Variants in LARP4B observed in about 807,000 individuals in gnomAD.
The protein encoded by LARP4B is La ribonucleoprotein 4B, also known as la-related protein 4B.
LARP4B carries 12 observed loss-of-function variants against 89.8 expected under a neutral mutation model. That is an observed-to-expected ratio of 0.13 (90% CI 0.09 to 0.22). The LOEUF (loss-of-function observed/expected upper bound fraction) is 0.22, where lower values mean the gene tolerates loss of function less well. LARP4B is among the 10% of genes least tolerant of loss of function. LARP4B has a pLI of 1.00. For synonymous variants in LARP4B, 367 were observed against 363.3 expected (o/e 1.01, Z -0.12); for missense variants, 757 against 947.7 (o/e 0.80, Z 2.64).
intron 7 of LARP4B, among the ~76,000 whole-genome samples, chr10:838,682 C>T (rs1833361046): frequency 3.3e-5 from 5 of 152,180 alleles, no homozygotes; most frequent in Admixed American, 3.3e-4. Flanking sequence ...AGTGGTACAT[C>T]CACTTTGGGA....
chr10:945,482 C>T, the LARP4B span, among the ~76,000 whole-genome samples: 17 of 151,550 alleles, frequency 1.1e-4, no homozygotes, highest in Admixed American at 7.2e-4. Flanking sequence ...GTCAGGAGAT[C>T]GAGACCATCC....
chr10:886,198 G>A (rs1013606541), intron 1 of LARP4B, among the ~76,000 whole-genome samples: 4 of 152,154 alleles, frequency 2.6e-5, no homozygotes, highest in East Asian at 1.9e-4. Flanking sequence ...ACAGAAAAAT[G>A]GCAATAGAAA....
chr10:840,177 C>T lies in LARP4B; in HGVS notation c.646+2755G>A, dbSNP rs754188819. On this transcript the variant is annotated intron_variant, in intron 7 of 17. Transcript: ENST00000316157. ...TTTGGTATCGTGATTGTGGTAGTTT[C>T]ATGGGTGTATAAATATGTTAAAACT... 3.6e-4 allele frequency among the ~76,000 whole-genome samples: 55 copies of T among 152,114 alleles called. 1 individual carries two copies. The highest frequency in any genetic ancestry group is 1.3e-4 in the Admixed American group (2 of 15,274).
intron 6 of LARP4B, among the ~76,000 whole-genome samples, chr10:844,340 C>A (rs1435293051): frequency 6.6e-6 from 1 of 152,212 alleles, no homozygotes; most frequent in Non-Finnish European, 1.5e-5. Context: ...GGGGAGGAGG[C>A]CAGCAGAGCC....
At chr10:825,927 T>C (rs1832598903) in intron 11 of LARP4B, 57 bp from the exon 12 acceptor site, 1 of 1,117,932 alleles carries the variant, frequency 8.9e-7, no homozygotes, top group East Asian at 2.5e-5. Context: ...TTCAATTTCA[T>C]TAATACCAAC....
At chr10:840,307 C>T (rs1281448985) in intron 7 of LARP4B, among the ~76,000 whole-genome samples, 6 of 152,168 alleles carry the variant, frequency 3.9e-5, no homozygotes, top group Non-Finnish European at 7.3e-5. Flanking sequence ...AACTCACCTG[C>T]CCCCATGACG....
At chr10:823,646 G>A (rs1056475209) in intron 13 of LARP4B, among the ~76,000 whole-genome samples, 1 of 151,532 alleles carries the variant, frequency 6.6e-6, no homozygotes, top group African/African-American at 2.4e-5. Flanking sequence ...CACAATTGAT[G>A]CCCCTCAGAG....
the LARP4B span, among the ~76,000 whole-genome samples, chr10:960,601 G>C: frequency 6.6e-6 from 1 of 151,168 alleles, no homozygotes; most frequent in Admixed American, 6.6e-5. Flanking sequence ...TCAGCTACTC[G>C]GGAGGCTGAG....
At chr10:945,660 C>G in the LARP4B span, among the ~76,000 whole-genome samples, 2 of 151,004 alleles carry the variant, frequency 1.3e-5, no homozygotes, top group African/African-American at 4.9e-5. Context: ...TGCACTCCAG[C>G]CTGGGCAACA....
rs188971387 is a variant in LARP4B at position 837,652 on chromosome 10, G to A, written c.647-1146C>T. Among the ~76,000 whole-genome samples, 288 of 152,312 alleles carry A rather than the reference G, an allele frequency of 1.9e-3. 2 individuals are homozygous for A. Among genetic ancestry groups the A allele is most frequent in the African/African-American group, 6.7e-3 (280 of 41,560 alleles). ...ACGTTCCAGAGACCAACACCCACGT[G>A]CACGGGCAGTCAATACGACAAGGCC... is the stretch of plus-strand genomic sequence containing the variant. On this transcript the variant is annotated intron_variant, in intron 7 of 17. Transcript: ENST00000316157.
At chr10:866,540 G>A (rs1834904774) in intron 3 of LARP4B, among the ~76,000 whole-genome samples, 3 of 152,198 alleles carry the variant, frequency 2.0e-5, no homozygotes, top group South Asian at 4.1e-4. Flanking sequence ...CAGCGTTTAC[G>A]CCGCTCCACC....
intron 5 of LARP4B, among the ~76,000 whole-genome samples, chr10:863,427 T>C (rs1834729448): frequency 3.9e-5 from 6 of 151,958 alleles, no homozygotes; most frequent in Admixed American, 3.3e-4. Context: ...GACGGGGTTT[T>C]ACCGTGTTAG....
intron 3 of LARP4B, among the ~76,000 whole-genome samples, chr10:876,945 A>T (rs903433092): frequency 1.3e-5 from 2 of 152,120 alleles, no homozygotes; most frequent in African/African-American, 2.4e-5. Flanking sequence ...GATGCCACCA[A>T]GGTTTATGAC....
intron 1 of LARP4B, among the ~76,000 whole-genome samples, chr10:915,832 CAAAAAAAA>C (rs71297915): frequency 4.0e-5 from 3 of 75,158 alleles, no homozygotes; most frequent in African/African-American, 1.6e-4. Context: ...GACTCCGCCT[CAAAAAAAA>C]AAAAAAAAAA....
At chr10:906,463 T>A (rs1836495699) in intron 1 of LARP4B, among the ~76,000 whole-genome samples, 1 of 152,240 alleles carries the variant, frequency 6.6e-6, no homozygotes, top group Non-Finnish European at 1.5e-5. Flanking sequence ...GGAACAGCCC[T>A]GCTGAAGAGA....
chr10:925,197 T>C (rs765750258), intron 1 of LARP4B, among the ~76,000 whole-genome samples: 1 of 152,168 alleles, frequency 6.6e-6, no homozygotes, highest in Non-Finnish European at 1.5e-5. Flanking sequence ...TGGCTTTACA[T>C]AGAACAATGC....
At chr10:954,375 C>G in the LARP4B span, among the ~76,000 whole-genome samples, 2 of 152,118 alleles carry the variant, frequency 1.3e-5, no homozygotes, top group Admixed American at 6.6e-5. The surrounding 1 kb of genome is among the most constrained non-coding windows in gnomAD (Gnocchi z 5.0). Context: ...GAAAAGGGGG[C>G]TCTAAACAAC....
At chr10:895,468 T>C (rs1836158104) in intron 1 of LARP4B, among the ~76,000 whole-genome samples, 1 of 150,708 alleles carries the variant, frequency 6.6e-6, no homozygotes, top group African/African-American at 2.4e-5. Context: ...GGAGACAAGG[T>C]AGGGAGATCA....
chr10:902,373 G>A (rs933568602), intron 1 of LARP4B, among the ~76,000 whole-genome samples: 6 of 152,154 alleles, frequency 3.9e-5, no homozygotes, highest in East Asian at 1.9e-4. Flanking sequence ...CTTTTATCCC[G>A]TGCTACACCT....
Sources: allele counts gnomAD v4.1 joint callset (sites outside exome capture counted in the v4.1 genomes callset), GRCh38; gene constraint gnomAD v4.1.1; non-coding constraint Gnocchi (gnomAD v3.1); transcripts MANE v1.5; gene names NCBI Gene and HGNC (gene_info 2026-07-23, HGNC 2026-07-21).